The following JAK1 variants were observed in gnomAD, a reference collection of about 807,000 sequenced individuals.
JAK1 encodes Janus kinase 1, also known as tyrosine-protein kinase JAK1.
Under a neutral mutation model 136.6 loss-of-function variants are expected in JAK1, and 16 were observed. That is an observed-to-expected ratio of 0.12 (90% CI 0.08 to 0.18). The LOEUF is 0.18. Among genes scored for constraint, JAK1 ranks in the 10% least tolerant of loss-of-function variants. The probability of loss-of-function intolerance (pLI) is 1.00; values close to 1 mark genes in which losing one functional copy is unlikely to be tolerated. For synonymous variants in JAK1, 492 were observed against 519.5 expected, an observed-to-expected ratio of 0.95 and a Z score of 0.72; for missense variants, 859 against 1,450.1, an observed-to-expected ratio of 0.59 and a Z score of 6.62.
At chr1:64,997,811 T>C (rs1031673464) in intron 2 of JAK1, among the ~76,000 whole-genome samples, 2 of 152,174 alleles carry the variant, frequency 1.3e-5, no homozygotes, top group African/African-American at 4.8e-5. Flanking sequence ...ATGTGAAGGA[T>C]AGAGAAGGAA....
intron 2 of JAK1, among the ~76,000 whole-genome samples, chr1:65,032,838 A>G (rs973495420): frequency 6.6e-6 from 1 of 152,182 alleles, no homozygotes; most frequent in Non-Finnish European, 1.5e-5. Context: ...TGAAAATGTA[A>G]AAGACTGAGA....
At chr1:64,997,717 G>A (rs1037166388) in intron 2 of JAK1, among the ~76,000 whole-genome samples, 11 of 152,138 alleles carry the variant, frequency 7.2e-5, no homozygotes, top group African/African-American at 2.4e-4. Flanking sequence ...GGAGTGTGGG[G>A]CTGTCGGGGA....
At chr1:65,052,118 A>ATTTTTTTTTTT (rs71056073) in intron 1 of JAK1, among the ~76,000 whole-genome samples, 7 of 93,572 alleles carry the variant, frequency 7.5e-5, no homozygotes, top group Admixed American at 1.3e-4. Context: ...ACGCCTGGCT[A>ATTTTTTTTTTT]TTTTTTTTTT....
chr1:64,975,621 A>G (rs761889988), intron 2 of JAK1, among the ~76,000 whole-genome samples: 13 of 152,158 alleles, frequency 8.5e-5, no homozygotes, highest in Non-Finnish European at 1.6e-4. Flanking sequence ...ACCCTTAGCT[A>G]TCACCTCAGC....
intron 1 of JAK1, among the ~76,000 whole-genome samples, chr1:65,044,693 C>T (rs2935410): frequency 0.29 from 44,488 of 151,944 alleles, 7,874 homozygotes; most frequent in African/African-American, 0.47. Flanking sequence ...TTGTAGCCAA[C>T]AGGCCAACGG....
At chr1:65,017,351 C>T (rs1646899549) in intron 2 of JAK1, among the ~76,000 whole-genome samples, 1 of 152,008 alleles carries the variant, frequency 6.6e-6, no homozygotes, top group African/African-American at 2.4e-5. Flanking sequence ...GCCTGTAGTC[C>T]CAGCTACTCG....
chr1:64,973,349 G>A (rs993757784), intron 2 of JAK1, among the ~76,000 whole-genome samples: 2 of 149,342 alleles, frequency 1.3e-5, no homozygotes, highest in East Asian at 4.0e-4. Flanking sequence ...GGAGGGGAAG[G>A]GAAGGGAAAG....
chr1:64,852,941 G>A (rs914306357), intron 11 of JAK1, among the ~76,000 whole-genome samples: 3 of 152,212 alleles, frequency 2.0e-5, no homozygotes, highest in East Asian at 3.9e-4. Context: ...GAGATGGGTA[G>A]TGGAGCTGGA....
chr1:64,849,974 C>A (rs745349460), intron 12 of JAK1, among the ~76,000 whole-genome samples: 18 of 152,162 alleles, frequency 1.2e-4, no homozygotes, highest in Non-Finnish European at 2.4e-4. Context: ...ATCTCGGGGA[C>A]TCACTGAAAA....
intron 20 of JAK1, among the ~76,000 whole-genome samples, chr1:64,839,058 A>G (rs1023590702): frequency 1.0e-4 from 15 of 146,494 alleles, no homozygotes; most frequent in Non-Finnish European, 1.9e-4. Flanking sequence ...AGGCAGGAGA[A>G]TGGCGTGAAC....
chr1:64,882,037 T>C lies in JAK1; in HGVS notation c.205+1240A>G, dbSNP rs1250067666. The stretch of plus-strand genomic sequence containing the variant: ...AAGCTGCTGTCTAAAGATGGTTATT[T>C]GTACACATTGCGGCCTAGTCAAAAT... On this transcript the variant is annotated intron_variant, in intron 3 of 24. Transcript: ENST00000342505. Among the ~76,000 whole-genome samples the C allele has an allele frequency of 2.0e-5, 3 of 152,336 alleles. No homozygotes were observed. In the East Asian group the frequency reaches 5.8e-4, roughly 29 times the overall value.
At chr1:64,927,843 C>T (rs1167274500) in intron 1 of JAK1, among the ~76,000 whole-genome samples, 2 of 152,180 alleles carry the variant, frequency 1.3e-5, no homozygotes, top group African/African-American at 4.8e-5. Flanking sequence ...ATCAGGACTA[C>T]AGCATATGGT....
rs1007263767 is a variant in JAK1 at position 64,834,681 on chromosome 1, C to T, written c.3370-24G>A. 11 of 1,446,776 alleles carry T rather than the reference C, an allele frequency of 7.6e-6. No individual in the cohort carries two copies. In the Admixed American group the frequency reaches 1.7e-4, roughly 23 times the overall value. The allele number at this position is 1,446,776 out of a possible 1,614,324, so 89.6% of individuals were successfully genotyped here. A position where few individuals can be genotyped will look rare whatever the true frequency, so the allele number is the denominator to read the frequency against. On this transcript the variant is annotated intron_variant, in intron 24 of 24. Transcript: ENST00000342505. ...ACCTGTAAAAAGAAAGAAGTAACAA[C>T]AGTAAAAATGTTAGATCTGGGAACT...
intron 7 of JAK1, among the ~76,000 whole-genome samples, chr1:64,866,131 T>C (rs1327745155): frequency 1.3e-5 from 2 of 152,212 alleles, no homozygotes; most frequent in Non-Finnish European, 2.9e-5. Flanking sequence ...CAACATTTAT[T>C]GTATTGCCAG....
intron 2 of JAK1, among the ~76,000 whole-genome samples, chr1:65,043,926 T>G (rs1647159962): frequency 6.6e-6 from 1 of 152,096 alleles, no homozygotes; most frequent in South Asian, 2.1e-4. Context: ...TTCACCATGT[T>G]GGCCAGGCTG....
At chr1:64,986,656 G>C (rs1388670334) in intron 2 of JAK1, among the ~76,000 whole-genome samples, 1 of 152,106 alleles carries the variant, frequency 6.6e-6, no homozygotes, top group Admixed American at 6.5e-5. Flanking sequence ...ACTTTGGAGG[G>C]CTGAGGCAAG....
At chr1:64,949,041 T>A (rs529072177) in intron 1 of JAK1, among the ~76,000 whole-genome samples, 4 of 152,090 alleles carry the variant, frequency 2.6e-5, no homozygotes, top group African/African-American at 9.6e-5. Flanking sequence ...AGAAAGGGAA[T>A]GGAAGGAAAG....
intron 1 of JAK1, among the ~76,000 whole-genome samples, chr1:64,919,496 T>C (rs1053595745): frequency 1.3e-5 from 2 of 152,252 alleles, no homozygotes; most frequent in Non-Finnish European, 2.9e-5. Flanking sequence ...TGTGTCTTTA[T>C]AGCAGCATGA....
chr1:64,933,481 A>G (rs1645733792), intron 1 of JAK1, among the ~76,000 whole-genome samples: 1 of 152,236 alleles, frequency 6.6e-6, no homozygotes. Flanking sequence ...CAACACTGCC[A>G]AAAAGCAGGA....
Sources: allele counts gnomAD v4.1 joint callset (sites outside exome capture counted in the v4.1 genomes callset), GRCh38; gene constraint gnomAD v4.1.1; transcripts MANE v1.5; gene names NCBI Gene and HGNC (gene_info 2026-07-23, HGNC 2026-07-21).